Variants in PAQR7 observed in about 807,000 individuals in gnomAD.
PAQR7 encodes membrane progestin receptor alpha.
Under a neutral mutation model 24.6 loss-of-function variants are expected in PAQR7, and 14 were observed. That is an observed-to-expected ratio of 0.57 (90% CI 0.38 to 0.89). The LOEUF (loss-of-function observed/expected upper bound fraction) is 0.89, where lower values mean the gene tolerates loss of function less well. Ranked by LOEUF, PAQR7 falls within the 40% of genes least tolerant of loss-of-function variation. The pLI is 0.00. For missense variants in PAQR7, 351 were observed against 444.0 expected (o/e 0.79, Z 1.88); for synonymous variants, 189 against 198.8 (o/e 0.95, Z 0.42).
In PAQR7 at chr1:25,862,849, A is replaced by G; in HGVS notation, c.991T>C (p.Phe331Leu). Residue 331 changes from phenylalanine to leucine, a missense_variant, in exon 3 of 3, where the codon TTC (phenylalanine) becomes CTC (leucine). By Grantham distance (22) the Phe-to-Leu change is conservative. Transcript: ENST00000675840. The part of the protein sequence containing the change: ...LTVGSSILTA[F>L]LLSQLVQRKL... ...CGCTGTACCAGCTGGCTCAGGAGGA[A>G]TGCAGTGAGGATGCTGCTGCCCACC... 1 of 1,614,154 alleles carries G rather than the reference A, an allele frequency of 6.2e-7. No homozygotes were observed. The highest frequency in any genetic ancestry group is 8.5e-7 in the Non-Finnish European group (1 of 1,180,020).
At chr1:25,868,709 CAAA>C (rs35304131) in intron 2 of PAQR7, among the ~76,000 whole-genome samples, 7,135 of 89,676 alleles carry the variant, frequency 0.08, 583 homozygotes, top group African/African-American at 0.22. Context: ...GACCCTTTCT[CAAA>C]AAAAAAAAAA....
In PAQR7 at chr1:25,863,730, TC is replaced by T. The variant is rs1320229174; in HGVS notation, c.109del (p.Glu37ArgfsTer37). 3.1e-6 allele frequency: 5 copies of T among 1,613,666 alleles called. No homozygotes were observed. The highest frequency in any genetic ancestry group is 1.7e-5 in the Admixed American group (1 of 59,974). ...CGGCTTCCAGAAGAGCGGCGGCACC[TC>T]AGCTCGATCCACCGTGAAGACAGGC... is the stretch of plus-strand genomic sequence containing the variant. Reference protein sequence around the residue: ...PEPVFTVDRAEVPPLFWKPYI... With the variant: ...PEPVFTVDRAXVPPLFWKPYI... On this transcript the variant is annotated frameshift_variant, in exon 3 of 3. Coordinates refer to ENST00000675840, the MANE Select transcript of PAQR7 (RefSeq NM_178422.6). LOFTEE classifies it high-confidence loss of function. This position sits in a 1 kb window ranked among gnomAD's most constrained non-coding sequence, Gnocchi z 6.1.
intron 2 of PAQR7, among the ~76,000 whole-genome samples, chr1:25,865,208 G>A (rs1486693034): frequency 6.6e-6 from 1 of 150,376 alleles, no homozygotes; most frequent in Non-Finnish European, 1.5e-5. Context: ...CTGGCCTCCT[G>A]AACCTCCTAC....
At chr1:25,870,828 A>T (rs1418328139) in intron 1 of PAQR7, 134 bp from the exon 2 acceptor site, 2 of 152,268 alleles carry the variant, frequency 1.3e-5, no homozygotes, top group African/African-American at 4.8e-5. Context: ...CATGCTAGCT[A>T]TGTGACCTTA....
Position 25,862,973 on chromosome 1 carries a change from C to G in PAQR7, c.867G>C (p.Gln289His). The G allele has an allele frequency of 6.2e-7, 1 of 1,614,180 alleles. No individual in the cohort carries two copies. Among genetic ancestry groups the G allele is most frequent in the Non-Finnish European group, 8.5e-7 (1 of 1,180,050 alleles). ...HIFLVLCTLA[Q>H]LEAVALDYEA... ...CATAGTCCAGTGCCACAGCCTCCAGCTGAGCCAGCGTGCACAGCACCAAGA... is the reference window on the plus strand; with the variant it reads ...CATAGTCCAGTGCCACAGCCTCCAGGTGAGCCAGCGTGCACAGCACCAAGA... Residue 289 changes from glutamine to histidine, a missense_variant, in exon 3 of 3, where the codon CAG becomes CAC. Physicochemically the swap from Gln to His is conservative, Grantham distance 24 (BLOSUM62 0). Transcript: ENST00000675840.
rs2048514289 is a variant in PAQR7, at chr1:25,861,959, G to A, written c.*840C>T. The stretch of plus-strand genomic sequence containing the variant: ...TGAACCTGGGAGGCGGAGGTGCAGT[G>A]AGCCGAGATCGCACCATTTTACTCC... On this transcript the variant is annotated 3_prime_UTR_variant, in exon 3 of 3. Transcript: ENST00000675840. The A allele has an allele frequency of 7.5e-6, 1 of 134,074 alleles. No individual in the cohort carries two copies. Among genetic ancestry groups the A allele is most frequent in the Non-Finnish European group, 1.5e-5 (1 of 64,632 alleles). 8.3% of individuals were successfully genotyped at this position (134,074 alleles called of 1,614,324 possible). A position where few individuals can be genotyped will look rare whatever the true frequency, so the allele number is the denominator to read the frequency against.
At position 25,863,228 on chromosome 1, in the gene PAQR7, T is replaced by A; in HGVS notation, c.612A>T (p.Thr204=). The A allele has an allele frequency of 1.2e-6, 2 of 1,614,238 alleles. No individual in the cohort carries two copies. The highest frequency in any genetic ancestry group is 1.7e-6 in the Non-Finnish European group (2 of 1,180,044). Residue 204 remains threonine, a synonymous_variant, in exon 3 of 3, where the codon ACA becomes ACT. Transcript: ENST00000675840. This position sits in a 1 kb window ranked among gnomAD's most constrained non-coding sequence, Gnocchi z 6.1. The part of the protein sequence containing the change: ...YIQKPGLLGR[T]CQEVPSVLAY... ...CCAGGACGGAGGGCACCTCCTGGCA[T>A]GTGCGGCCCAGCAGGCCTGGTTTCT...
rs539406287 is a variant in PAQR7 at position 25,873,344 on chromosome 1, G to C, written c.-109+2144C>G. ...ACCGTGGGTAACTCCCAGGCACCCA[G>C]TGGTGACCACAGATTATACAGGCAA... On this transcript the variant is annotated intron_variant, in intron 1 of 2. Transcript: ENST00000675840. 9.2e-5 allele frequency among the ~76,000 whole-genome samples: 14 copies of C among 152,306 alleles called. No individual in the cohort carries two copies. The South Asian group carries it at 2.9e-3, about 32-fold the overall frequency.
At position 25,863,327 on chromosome 1, in the gene PAQR7, C is replaced by T; in HGVS notation, c.513G>A (p.Gln171=). The T allele has an allele frequency of 6.2e-7, 1 of 1,614,236 alleles. No individual in the cohort carries two copies. The highest frequency in any genetic ancestry group is 8.5e-7 in the Non-Finnish European group (1 of 1,180,048). The change falls in exon 3 of 3, where the codon CAG becomes CAA. Residue 171 remains glutamine (Q), a synonymous_variant. Transcript: ENST00000675840. The surrounding 1 kb of genome is among the most constrained non-coding windows in gnomAD (Gnocchi z 6.1). ...AIEPAWHAQV[Q]AVFLPMAAFL... is the part of the protein sequence containing the mutation. ...AGGCAGCCATGGGCAGAAAAACAGC[C>T]TGCACCTGGGCATGCCAGGCGGGCT...
At chr1:25,874,147 T>C (rs928366103) in intron 1 of PAQR7, among the ~76,000 whole-genome samples, 22 of 151,444 alleles carry the variant, frequency 1.5e-4, no homozygotes, top group Non-Finnish European at 4.4e-5. Context: ...CCTCCCAAAG[T>C]ACTGGGATTA....
rs905890904 is a variant in PAQR7, at chr1:25,861,931, G to A, written c.*868C>T. The stretch of plus-strand genomic sequence containing the variant: ...CTCGGGAGGCTGAGGCAGGAAAATC[G>A]CTTGAACCTGGGAGGCGGAGGTGCA... On this transcript the variant is annotated 3_prime_UTR_variant, in exon 3 of 3. Coordinates refer to ENST00000675840, the MANE Select transcript of PAQR7 (RefSeq NM_178422.6). The A allele has an allele frequency of 2.8e-5, 4 of 140,654 alleles. No individual in the cohort carries two copies. Among genetic ancestry groups the A allele is most frequent in the African/African-American group, 5.5e-5 (2 of 36,514 alleles). The allele number at this position is 140,654 out of a possible 1,614,324, so 8.7% of individuals were successfully genotyped here.
intron 2 of PAQR7, among the ~76,000 whole-genome samples, chr1:25,870,321 A>G (rs1191868657): frequency 1.3e-5 from 2 of 152,156 alleles, no homozygotes; most frequent in Non-Finnish European, 2.9e-5. Flanking sequence ...GGTGACCTCT[A>G]CTATGGGACT....
At position 25,862,859 on chromosome 1, in the gene PAQR7, G is replaced by A. The variant is rs536098137; in HGVS notation, c.981C>T (p.Ile327=). 1.9e-6 allele frequency: 3 copies of A among 1,614,146 alleles called. No individual in the cohort carries two copies. Among genetic ancestry groups the A allele is most frequent in the Non-Finnish European group, 1.7e-6 (2 of 1,180,018 alleles). ...GCTGGCTCAGGAGGAATGCAGTGAG[G>A]ATGCTGCTGCCCACCGTGAGCAGGA... is the stretch of plus-strand genomic sequence containing the variant. ...GLFLLTVGSS[I]LTAFLLSQLV... The change falls in exon 3 of 3, where the codon ATC becomes ATT. Residue 327 remains isoleucine, a synonymous_variant. Coordinates refer to ENST00000675840, the MANE Select transcript of PAQR7 (RefSeq NM_178422.6).
chr1:25,866,920 A>ATG (rs1363926359), intron 2 of PAQR7, among the ~76,000 whole-genome samples: 3 of 152,180 alleles, frequency 2.0e-5, no homozygotes, highest in African/African-American at 7.2e-5. Flanking sequence ...TTTAGTAGAC[A>ATG]GGGTTTCACC....
intron 1 of PAQR7, among the ~76,000 whole-genome samples, chr1:25,873,524 T>A (rs2124202719): frequency 6.6e-6 from 1 of 152,334 alleles, no homozygotes; most frequent in Admixed American, 6.5e-5. Flanking sequence ...TTTGTAACTT[T>A]GGCACTTGGG....
At position 25,863,141 on chromosome 1, in the gene PAQR7, C is replaced by T. The variant is rs1474699213; in HGVS notation, c.699G>A (p.Thr233=). The T allele has an allele frequency of 2.8e-5, 46 of 1,614,138 alleles. No homozygotes were observed. The highest frequency in any genetic ancestry group is 3.6e-5 in the Non-Finnish European group (43 of 1,180,044). Residue 233 remains threonine, a synonymous_variant, in exon 3 of 3, where the codon ACG becomes ACA. Coordinates refer to ENST00000675840, the MANE Select transcript of PAQR7 (RefSeq NM_178422.6). The surrounding 1 kb of genome is among the most constrained non-coding windows in gnomAD (Gnocchi z 6.1). ...TGTGGTAGAGAAGAGCTGGATCATC[C>T]GTGGTGGGGTCGGAGGACACGAAGA... ...HRIFVSSDPT[T]DDPALLYHKC... is the part of the protein sequence containing the mutation.
intron 2 of PAQR7, among the ~76,000 whole-genome samples, chr1:25,868,586 TG>T (rs2048576697): frequency 6.6e-6 from 1 of 151,922 alleles, no homozygotes; most frequent in African/African-American, 2.4e-5. Context: ...GGTGTGCACC[TG>T]TAGTCCCAGC....
chr1:25,862,816 CAA>C lies in PAQR7; in HGVS notation c.1022_1023del (p.Leu341ArgfsTer13), dbSNP rs754677104. The C allele has an allele frequency of 6.2e-6, 10 of 1,613,430 alleles. No homozygotes were observed. Among genetic ancestry groups the C allele is most frequent in the Non-Finnish European group, 6.8e-6 (8 of 1,179,674 alleles). ...FLLSQLVQRK[L>X]DQKTK is the part of the protein sequence containing the mutation. ...ATCCCCCTTCACTTGGTCTTCTGAT[CAA>C]GTTTGCGCTGTACCAGCTGGCTCAG... On this transcript the variant is annotated frameshift_variant, in exon 3 of 3. Coordinates refer to ENST00000675840, the MANE Select transcript of PAQR7 (RefSeq NM_178422.6). LOFTEE classifies it high-confidence loss of function.
Position 25,862,954 on chromosome 1 carries a change from C to T in PAQR7, c.886G>A (p.Asp296Asn). 1 of 1,614,154 alleles carries T rather than the reference C, an allele frequency of 6.2e-7. No individual in the cohort carries two copies. The highest frequency in any genetic ancestry group is 1.1e-5 in the South Asian group (1 of 91,088). Residue 296 changes from aspartate to asparagine, a missense_variant, in exon 3 of 3, where the codon GAC (aspartate) becomes AAC (asparagine). Physicochemically the swap from Asp to Asn is conservative, Grantham distance 23. Transcript: ENST00000675840. ...TAGATGGGCCGTCGGGCCTCATAGT[C>T]CAGTGCCACAGCCTCCAGCTGAGCC... ...TLAQLEAVAL[D>N]YEARRPIYEP...
Sources: allele counts gnomAD v4.1 joint callset (sites outside exome capture counted in the v4.1 genomes callset), GRCh38; gene constraint gnomAD v4.1.1; non-coding constraint Gnocchi (gnomAD v3.1); transcripts MANE v1.5; gene names NCBI Gene and HGNC (gene_info 2026-07-23, HGNC 2026-07-21).